Variants in DLG2 observed in about 807,000 individuals in gnomAD.
The protein encoded by DLG2 is discs large MAGUK scaffold protein 2, also known as disks large homolog 2.
Under a neutral mutation model 132.5 loss-of-function variants are expected in DLG2, and 45 were observed. The ratio of observed to expected loss-of-function variants is 0.34; its 90% CI spans 0.27 to 0.44. The LOEUF (loss-of-function observed/expected upper bound fraction) is 0.44, where lower values mean the gene tolerates loss of function less well. Ranked by LOEUF, DLG2 falls within the 20% of genes least tolerant of loss-of-function variation. The pLI is 1.00. For missense variants in DLG2, 1,045 were observed against 1,196.9 expected, an observed-to-expected ratio of 0.87 and a Z score of 1.87; for synonymous variants, 424 against 419.6, an observed-to-expected ratio of 1.01 and a Z score of -0.13.
At chr11:83,466,136 A>G (rs749013386) in intron 26 of DLG2, among the ~76,000 whole-genome samples, 2 of 152,232 alleles carry the variant, frequency 1.3e-5, no homozygotes, top group Non-Finnish European at 2.9e-5. Context: ...AGAAAACTCT[A>G]TTAAGAACGA....
intron 6 of DLG2, among the ~76,000 whole-genome samples, chr11:84,893,014 T>C (rs997749579): frequency 6.6e-6 from 1 of 152,136 alleles, no homozygotes; most frequent in African/African-American, 2.4e-5. Flanking sequence ...AATTTCACCA[T>C]TTATATACTG....
intron 14 of DLG2, among the ~76,000 whole-genome samples, chr11:83,951,788 A>G (rs1433977991): frequency 1.3e-5 from 2 of 152,172 alleles, no homozygotes; most frequent in Non-Finnish European, 2.9e-5. Flanking sequence ...AATTTAAAAG[A>G]GTAATGTATG....
chr11:85,067,181 A>G (rs998068408), intron 6 of DLG2, among the ~76,000 whole-genome samples: 1 of 151,790 alleles, frequency 6.6e-6, no homozygotes, highest in African/African-American at 2.4e-5. Flanking sequence ...CTGTGGGATC[A>G]GTGGTGATAT....
intron 6 of DLG2, among the ~76,000 whole-genome samples, chr11:85,017,709 A>T (rs1053293456): frequency 1.3e-5 from 2 of 152,198 alleles, no homozygotes; most frequent in Non-Finnish European, 2.9e-5. Flanking sequence ...TAAATGGGAG[A>T]AGAAAAGCTA....
At chr11:84,991,214 G>C (rs909762192) in intron 6 of DLG2, among the ~76,000 whole-genome samples, 1 of 152,088 alleles carries the variant, frequency 6.6e-6, no homozygotes, top group Non-Finnish European at 1.5e-5. Flanking sequence ...ATGAAGAAAA[G>C]AAGAAAGTGG....
At chr11:85,064,669 T>C (rs1272677344) in intron 6 of DLG2, among the ~76,000 whole-genome samples, 1 of 151,712 alleles carries the variant, frequency 6.6e-6, no homozygotes, top group Non-Finnish European at 1.5e-5. Flanking sequence ...CAAACACTAT[T>C]TGAGATGTTG....
At chr11:83,822,785 A>G (rs569262661) in intron 17 of DLG2, among the ~76,000 whole-genome samples, 66 of 152,130 alleles carry the variant, frequency 4.3e-4, no homozygotes, top group African/African-American at 1.5e-3. Context: ...TTTTTTTCAT[A>G]TAAGTTACCT....
intron 6 of DLG2, among the ~76,000 whole-genome samples, chr11:84,856,692 C>T (rs921838761): frequency 6.6e-6 from 1 of 151,938 alleles, no homozygotes; most frequent in Admixed American, 6.6e-5. Flanking sequence ...GATCATATCC[C>T]ACTCCTGCTT....
intron 3 of DLG2, among the ~76,000 whole-genome samples, chr11:85,476,240 T>C (rs1238017957): frequency 6.6e-6 from 1 of 151,920 alleles, no homozygotes; most frequent in East Asian, 1.9e-4. Context: ...GTACAGTAAA[T>C]ATATGAAAGA....
intron 7 of DLG2, among the ~76,000 whole-genome samples, chr11:84,344,055 T>C (rs1284746952): frequency 6.6e-6 from 1 of 152,178 alleles, no homozygotes; most frequent in East Asian, 1.9e-4. Context: ...TACTTTATGT[T>C]CGAAAGAATA....
chr11:83,701,203 C>G (rs1232041783), intron 18 of DLG2, among the ~76,000 whole-genome samples: 1 of 152,074 alleles, frequency 6.6e-6, no homozygotes, highest in Non-Finnish European at 1.5e-5. Context: ...GTAGAAAGAT[C>G]TGAACACAAA....
At chr11:85,590,330 T>C (rs2079231577) in intron 3 of DLG2, among the ~76,000 whole-genome samples, 1 of 152,140 alleles carries the variant, frequency 6.6e-6, no homozygotes, top group Non-Finnish European at 1.5e-5. Context: ...AATAGTACAA[T>C]ATAATAAGTG....
chr11:85,529,312 G>A (rs1435850355), intron 3 of DLG2, among the ~76,000 whole-genome samples: 2 of 151,924 alleles, frequency 1.3e-5, no homozygotes, highest in African/African-American at 4.8e-5. Flanking sequence ...ATAAACCTTT[G>A]GTCTTCTAAA....
At chr11:84,698,238 C>A (rs934087659) in intron 6 of DLG2, among the ~76,000 whole-genome samples, 1 of 151,128 alleles carries the variant, frequency 6.6e-6, no homozygotes, top group African/African-American at 2.4e-5. Context: ...CTGATCCGAA[C>A]TTTAAATTCA....
intron 7 of DLG2, among the ~76,000 whole-genome samples, chr11:84,348,743 C>T (rs1224834505): frequency 2.6e-5 from 4 of 152,122 alleles, no homozygotes; most frequent in Non-Finnish European, 4.4e-5. Context: ...AGAGTGAGCC[C>T]TAATCCAAAA....
intron 3 of DLG2, among the ~76,000 whole-genome samples, chr11:85,506,415 GTCTTTGTT>G (rs2093934936): frequency 6.6e-6 from 1 of 152,100 alleles, no homozygotes; most frequent in Non-Finnish European, 1.5e-5. Context: ...GGTATGTTGT[GTCTTTGTT>G]CTCATTGGTT....
chr11:85,096,893 C>G (rs924922088), intron 6 of DLG2, among the ~76,000 whole-genome samples: 7 of 152,114 alleles, frequency 4.6e-5, no homozygotes, highest in Non-Finnish European at 2.9e-5. Flanking sequence ...CTCTAACAAC[C>G]CCTGATTTGG....
chr11:84,695,023 T>C (rs1417305963), intron 6 of DLG2, among the ~76,000 whole-genome samples: 1 of 151,544 alleles, frequency 6.6e-6, no homozygotes, highest in Non-Finnish European at 1.5e-5. Flanking sequence ...TTGATGCTTA[T>C]GAATGAATTT....
intron 11 of DLG2, among the ~76,000 whole-genome samples, chr11:84,014,874 A>G (rs1376397509): frequency 1.3e-5 from 2 of 151,618 alleles, no homozygotes; most frequent in Non-Finnish European, 2.9e-5. Context: ...TGAGATAAAA[A>G]AAAGGCCAAC....
Sources: allele counts gnomAD v4.1 joint callset (sites outside exome capture counted in the v4.1 genomes callset), GRCh38; gene constraint gnomAD v4.1.1; transcripts MANE v1.5; gene names NCBI Gene and HGNC (gene_info 2026-07-23, HGNC 2026-07-21).